Variants in LAMA3 observed in about 807,000 individuals in gnomAD.
LAMA3 encodes the protein laminin subunit alpha-3.
LAMA3 carries 281 observed loss-of-function variants against 402.0 expected under a neutral mutation model. The observed-to-expected ratio is 0.70, with a 90% CI of 0.63 to 0.77. The LOEUF (loss-of-function observed/expected upper bound fraction) is 0.77, where lower values mean the gene tolerates loss of function less well. LAMA3 is among the 30% of genes least tolerant of loss of function. The probability of loss-of-function intolerance (pLI) is 0.00; values close to 1 mark genes in which losing one functional copy is unlikely to be tolerated. For missense variants in LAMA3, 3,840 were observed against 4,215.5 expected, an observed-to-expected ratio of 0.91 and a Z score of 2.47; for synonymous variants, 1,431 against 1,558.4, an observed-to-expected ratio of 0.92 and a Z score of 1.93.
chr18:23,894,831 G>A, intron 43 of LAMA3, 76 bp from the exon 44 acceptor site: 1 of 1,584,948 alleles, frequency 6.3e-7, no homozygotes, highest in African/African-American at 1.3e-5. Context: ...CAACTGGGCT[G>A]CATAGCACTT....
chr18:23,949,017 T>A (rs1009506666), intron 70 of LAMA3, among the ~76,000 whole-genome samples: 6 of 152,114 alleles, frequency 3.9e-5, no homozygotes, highest in African/African-American at 1.4e-4. Context: ...AAATTTACAG[T>A]CCTCCCCAGG....
rs905993980 is a variant in LAMA3 at position 23,840,384 on chromosome 18, T to C, written c.3336+455T>C. ...TTGTAGCCAAGAACCTTTCTTTCTTTTTTTTTTTTTTTTTTTGAGACAGAT... is the reference window on the plus strand; with the variant it reads ...TTGTAGCCAAGAACCTTTCTTTCTTCTTTTTTTTTTTTTTTTGAGACAGAT... On this transcript the variant is annotated intron_variant, in intron 27 of 74. Coordinates refer to ENST00000313654, the MANE Select transcript of LAMA3 (RefSeq NM_198129.4). 1.2e-4 allele frequency among the ~76,000 whole-genome samples: 17 copies of C among 146,702 alleles called. No individual in the cohort carries two copies. The East Asian group carries it at 1.6e-3, about 13-fold the overall frequency.
intron 38 of LAMA3, among the ~76,000 whole-genome samples, chr18:23,874,833 A>T (rs1385881037): frequency 6.6e-6 from 1 of 152,162 alleles, no homozygotes; most frequent in Non-Finnish European, 1.5e-5. Context: ...TATATAGGAG[A>T]TCAGAGAAAT....
intron 41 of LAMA3, among the ~76,000 whole-genome samples, chr18:23,887,997 C>A (rs1185332642): frequency 6.6e-6 from 1 of 152,184 alleles, no homozygotes; most frequent in African/African-American, 2.4e-5. Flanking sequence ...AATCGAACTT[C>A]CTGAATATTT....
chr18:23,821,174 G>A (rs571310951), intron 19 of LAMA3, among the ~76,000 whole-genome samples: 2 of 152,158 alleles, frequency 1.3e-5, no homozygotes, highest in Non-Finnish European at 2.9e-5. Context: ...CTCTAATGAC[G>A]CATTTTCTGA....
chr18:23,856,018 T>C (rs1020190246), intron 32 of LAMA3, among the ~76,000 whole-genome samples: 2 of 152,186 alleles, frequency 1.3e-5, no homozygotes, highest in African/African-American at 2.4e-5. Flanking sequence ...TGCAAGCAAC[T>C]CCTGTAAGGT....
intron 40 of LAMA3, among the ~76,000 whole-genome samples, chr18:23,883,322 G>A (rs1403983955): frequency 3.3e-5 from 5 of 152,172 alleles, no homozygotes; most frequent in Non-Finnish European, 5.9e-5. Context: ...GTGTTTTCAA[G>A]GTAACCCCCT....
At chr18:23,730,265 C>G (rs1255788961) in intron 2 of LAMA3, among the ~76,000 whole-genome samples, 2 of 151,954 alleles carry the variant, frequency 1.3e-5, no homozygotes, top group African/African-American at 2.4e-5. Context: ...TGCTTTTACT[C>G]CTTTTTTTTG....
At position 23,749,520 on chromosome 18, in the gene LAMA3, C is replaced by T. The variant is rs771108016; in HGVS notation, c.658C>T (p.Arg220Cys). 5.6e-6 allele frequency: 9 copies of T among 1,605,870 alleles called. No individual in the cohort carries two copies. In the South Asian group the frequency reaches 6.6e-5, roughly 12 times the overall value. Reference sequence around the variant, plus strand: ...TGTACTTTGTGTTACTGAATATTCCCGTATTGTACCTTTGGAAAATGGTGA... The same window carrying T: ...TGTACTTTGTGTTACTGAATATTCCTGTATTGTACCTTTGGAAAATGGTGA... ...DDVLCVTEYS[R>C]IVPLENGEVV... The change falls in exon 4 of 75, where the codon CGT (arginine) becomes TGT (cysteine). Residue 220 changes from arginine (R) to cysteine (C), a missense_variant. Arg to Cys is a radical substitution (Grantham distance 180). This residue lies in a region of LAMA3 where 2,109 missense variants were observed against 2,376.0 expected (regional missense o/e 0.89). Coordinates refer to ENST00000313654, the MANE Select transcript of LAMA3 (RefSeq NM_198129.4).
intron 2 of LAMA3, among the ~76,000 whole-genome samples, chr18:23,742,865 T>C (rs1055031233): frequency 6.6e-6 from 1 of 152,234 alleles, no homozygotes; most frequent in Non-Finnish European, 1.5e-5. Flanking sequence ...TATAAAGCTA[T>C]TGACAGACTG....
At chr18:23,908,675 C>T (rs1241769084) in intron 54 of LAMA3, among the ~76,000 whole-genome samples, 1 of 151,782 alleles carries the variant, frequency 6.6e-6, no homozygotes, top group Admixed American at 6.6e-5. Flanking sequence ...GTAGTTCCTC[C>T]TTATCCTCAG....
At chr18:23,788,469 A>G (rs1173353354) in intron 12 of LAMA3, among the ~76,000 whole-genome samples, 1 of 151,974 alleles carries the variant, frequency 6.6e-6, no homozygotes, top group Non-Finnish European at 1.5e-5. Context: ...TCTAATACAG[A>G]AGAAAACAAT....
At chr18:23,905,360 C>A (rs1056260639) in intron 51 of LAMA3, among the ~76,000 whole-genome samples, 162 bp from the exon 52 acceptor site, 3 of 152,178 alleles carry the variant, frequency 2.0e-5, no homozygotes, top group Admixed American at 6.5e-5. Context: ...GGTGTTAGGG[C>A]TACCTGGAGC....
intron 12 of LAMA3, among the ~76,000 whole-genome samples, chr18:23,788,349 T>G (rs1485699628): frequency 1.3e-5 from 2 of 151,960 alleles, no homozygotes; most frequent in Non-Finnish European, 2.9e-5. Flanking sequence ...ACTAAATCAA[T>G]ATGATACTAA....
intron 1 of LAMA3, among the ~76,000 whole-genome samples, chr18:23,706,397 T>TA (rs1212859497): frequency 6.6e-6 from 1 of 152,208 alleles, no homozygotes; most frequent in East Asian, 1.9e-4. Context: ...GTGGTAATAC[T>TA]AAAACAGTTT....
At chr18:23,905,383 A>C in intron 51 of LAMA3, 139 bp from the exon 52 acceptor site, 1 of 599,634 alleles carries the variant, frequency 1.7e-6, no homozygotes, top group Non-Finnish European at 3.1e-6. Flanking sequence ...TAACTCTTTT[A>C]GGGAACAATC....
chr18:23,928,275 T>C, intron 63 of LAMA3, 35 bp downstream of exon 63: 5 of 1,341,888 alleles, frequency 3.7e-6, no homozygotes, highest in Non-Finnish European at 5.4e-6. Context: ...GAAGGAGTGC[T>C]TCCCAGCCAA....
intron 1 of LAMA3, among the ~76,000 whole-genome samples, chr18:23,712,234 G>A (rs1313317183): frequency 6.6e-6 from 1 of 152,004 alleles, no homozygotes; most frequent in Non-Finnish European, 1.5e-5. Context: ...TACAAAATTA[G>A]CCGGGCGTGG....
rs550354034 is a variant in LAMA3, at chr18:23,803,048, C to T, written c.1604-7318C>T. The stretch of plus-strand genomic sequence containing the variant: ...CTGCTGCATTCCATTTGTTGTGAAG[C>T]GAGTTCTTTGATCAGAAGCAATACT... On this transcript the variant is annotated intron_variant, in intron 12 of 74. Coordinates refer to ENST00000313654, the MANE Select transcript of LAMA3 (RefSeq NM_198129.4). Among the ~76,000 whole-genome samples, 7 of 152,238 alleles carry T rather than the reference C, an allele frequency of 4.6e-5. No homozygotes were observed. The East Asian group carries it at 7.7e-4, about 17-fold the overall frequency.
Sources: allele counts gnomAD v4.1 joint callset (sites outside exome capture counted in the v4.1 genomes callset), GRCh38; gene constraint gnomAD v4.1.1; regional missense constraint gnomAD v4.1.1; transcripts MANE v1.5; gene names NCBI Gene and HGNC (gene_info 2026-07-23, HGNC 2026-07-21).